USP44: variants seen among roughly 807,000 people sequenced by gnomAD.
USP44 encodes ubiquitin carboxyl-terminal hydrolase 44.
A neutral mutation model predicts 69.0 loss-of-function variants in USP44; 61 were observed. The observed-to-expected ratio is 0.88, with a 90% CI of 0.72 to 1.09. USP44 has a LOEUF of 1.09. USP44 is among the 50% of genes least tolerant of loss of function. USP44 has a pLI of 0.00. For synonymous variants in USP44, 297 were observed against 295.4 expected (o/e 1.01, Z -0.06); for missense variants, 753 against 849.9 (o/e 0.89, Z 1.42).
In USP44 at chr12:95,516,891, TAAA is replaced by T. The variant is rs1169152772; in HGVS notation, c.*1260_*1262del. 1.3e-5 allele frequency: 2 copies of T among 152,058 alleles called. No homozygotes were observed. Among genetic ancestry groups the T allele is most frequent in the Non-Finnish European group, 2.9e-5 (2 of 67,994 alleles). 9.4% of individuals were successfully genotyped at this position (152,058 alleles called of 1,614,324 possible). A position where few individuals can be genotyped will look rare whatever the true frequency, so the allele number is the denominator to read the frequency against. On this transcript the variant is annotated 3_prime_UTR_variant, in exon 6 of 6. Transcript: ENST00000258499. ...TTCAACCTGCAAATAAACCCACTTA[TAAA>T]AAAGGGATACATGATCTTCCTGTGG...
intron 5 of USP44, among the ~76,000 whole-genome samples, chr12:95,519,250 CA>C (rs2076570294): frequency 6.6e-6 from 1 of 151,928 alleles, no homozygotes; most frequent in African/African-American, 2.4e-5. Flanking sequence ...GAAACTGTTT[CA>C]TTATTTAAAG....
intron 1 of USP44, among the ~76,000 whole-genome samples, chr12:95,535,741 T>C (rs1238495211): frequency 3.3e-5 from 5 of 152,210 alleles, no homozygotes; most frequent in African/African-American, 1.2e-4. Context: ...TTCATTGATT[T>C]AATACAAATC....
intron 2 of USP44, among the ~76,000 whole-genome samples, chr12:95,532,112 T>C (rs2077038860): frequency 6.6e-6 from 1 of 152,082 alleles, no homozygotes; most frequent in South Asian, 2.1e-4. Context: ...CCTCCAGGGC[T>C]ACTCCTTGGT....
In USP44 at chr12:95,518,107, A is replaced by T. The variant is rs755733567; in HGVS notation, c.*47T>A. 2.5e-6 allele frequency: 4 copies of T among 1,586,478 alleles called. No individual in the cohort carries two copies. In the African/African-American group the frequency reaches 5.4e-5, roughly 22 times the overall value. Reference sequence around the variant, plus strand: ...TTTAAAATGGTACATCAGTCTTTTAAAAAGTATATATATAAATCACAGGAA... The same window carrying T: ...TTTAAAATGGTACATCAGTCTTTTATAAAGTATATATATAAATCACAGGAA... On this transcript the variant is annotated 3_prime_UTR_variant, in exon 6 of 6. Coordinates refer to ENST00000258499, the MANE Select transcript of USP44 (RefSeq NM_032147.5).
At position 95,529,011 on chromosome 12, in the gene USP44, G is replaced by T. The variant is rs2076939189; in HGVS notation, c.1429-9C>A. ...CATGCAAGACATGTAACCTGCAAAT[G>T]AGAATATGAGTTCCTAAGATTATAA... is the stretch of plus-strand genomic sequence containing the variant. On this transcript the variant is annotated splice_polypyrimidine_tract_variant and intron_variant, in intron 2 of 5. Coordinates refer to ENST00000258499, the MANE Select transcript of USP44 (RefSeq NM_032147.5). 2 of 1,596,522 alleles carry T rather than the reference G, an allele frequency of 1.3e-6. No homozygotes were observed. The highest frequency in any genetic ancestry group is 2.3e-5 in the South Asian group (2 of 87,962).
intron 3 of USP44, among the ~76,000 whole-genome samples, chr12:95,526,010 C>G (rs2076822099): frequency 6.6e-6 from 1 of 152,222 alleles, no homozygotes; most frequent in South Asian, 2.1e-4. Flanking sequence ...GGATTGTCTC[C>G]TAGCACATCG....
chr12:95,517,352 A>AACTC lies in USP44; in HGVS notation c.*798_*801dup, dbSNP rs1426270032. The AACTC allele has an allele frequency of 1.3e-5, 2 of 152,154 alleles. No individual in the cohort carries two copies. The highest frequency in any genetic ancestry group is 4.8e-5 in the African/African-American group (2 of 41,436). 9.4% of individuals were successfully genotyped at this position (152,154 alleles called of 1,614,324 possible). On this transcript the variant is annotated 3_prime_UTR_variant, in exon 6 of 6. Transcript: ENST00000258499. ...TAATGTCATCAGACATTATAAAATG[A>AACTC]ACTCATACCCAAGGTAAACTATTTG...
At position 95,533,112 on chromosome 12, in the gene USP44, CAA is replaced by C; in HGVS notation, c.1143_1144del (p.Cys382SerfsTer2). On this transcript the variant is annotated frameshift_variant, in exon 2 of 6. Coordinates refer to ENST00000258499, the MANE Select transcript of USP44 (RefSeq NM_032147.5). LOFTEE classifies it high-confidence loss of function. ...TTGGAACAAAGTATGCAATTCATGA[CAA>C]AGAGAAATGTACTGTGAAGTTGGCT... 2.5e-6 allele frequency: 4 copies of C among 1,614,218 alleles called. No individual in the cohort carries two copies. Among genetic ancestry groups the C allele is most frequent in the Non-Finnish European group, 2.5e-6 (3 of 1,180,054 alleles).
In USP44 at chr12:95,533,175, G is replaced by A. The variant is rs1220759478; in HGVS notation, c.1082C>T (p.Ser361Leu). ...AATAAGTTCCATCTTTCTACCTTTT[G>A]ATGCTCCACCACTTAGTCCTGATGA... ...SLSSGLSGGA[S>L]KGRKMELIQP... The change falls in exon 2 of 6, where the codon TCA becomes TTA. Residue 361 changes from serine to leucine, a missense_variant. Ser to Leu is a moderately radical substitution (Grantham distance 145, BLOSUM62 -2). Transcript: ENST00000258499. The A allele has an allele frequency of 6.2e-7, 1 of 1,614,130 alleles. No individual in the cohort carries two copies.
chr12:95,532,693 A>G (rs998880039), intron 2 of USP44, 136 bp downstream of exon 2: 6 of 703,818 alleles, frequency 8.5e-6, no homozygotes, highest in South Asian at 2.5e-5. Flanking sequence ...TTCTCTATAC[A>G]TATTTATAAA....
rs2076483328 is a variant in USP44, at chr12:95,516,782, G to A, written c.*1372C>T. ...TGTGAAATTTAAGAAAAATTTATTGGTAGAGACCTCTTTCAAGTTTGTACT... is the reference window on the plus strand; with the variant it reads ...TGTGAAATTTAAGAAAAATTTATTGATAGAGACCTCTTTCAAGTTTGTACT... On this transcript the variant is annotated 3_prime_UTR_variant, in exon 6 of 6. Coordinates refer to ENST00000258499, the MANE Select transcript of USP44 (RefSeq NM_032147.5). 1.3e-5 allele frequency: 2 copies of A among 152,122 alleles called. No homozygotes were observed. The highest frequency in any genetic ancestry group is 4.8e-5 in the African/African-American group (2 of 41,420). The allele number at this position is 152,122 out of a possible 1,614,324, so 9.4% of individuals were successfully genotyped here. A position where few individuals can be genotyped will look rare whatever the true frequency, so the allele number is the denominator to read the frequency against.
chr12:95,523,689 CAAAAA>C (rs927669685), intron 4 of USP44, among the ~76,000 whole-genome samples: 3 of 89,200 alleles, frequency 3.4e-5, no homozygotes, highest in South Asian at 3.9e-4. Flanking sequence ...CTGTCTCTAC[CAAAAA>C]AAAAAAAAAA....
intron 1 of USP44, among the ~76,000 whole-genome samples, chr12:95,536,957 CT>C (rs2077225865): frequency 6.6e-6 from 1 of 152,142 alleles, no homozygotes; most frequent in South Asian, 2.1e-4. Flanking sequence ...CCCAAGCTTG[CT>C]TCTAGGGCCT....
At chr12:95,538,877 T>C (rs773712516) in intron 1 of USP44, among the ~76,000 whole-genome samples, 10 of 152,260 alleles carry the variant, frequency 6.6e-5, no homozygotes, top group Non-Finnish European at 1.3e-4. Context: ...TCTACTGGGT[T>C]CAGAGCACCT....
In USP44 at chr12:95,533,444, A is replaced by G; in HGVS notation, c.813T>C (p.Gly271=). The G allele has an allele frequency of 6.2e-7, 1 of 1,614,190 alleles. No homozygotes were observed. Among genetic ancestry groups the G allele is most frequent in the Non-Finnish European group, 8.5e-7 (1 of 1,180,008 alleles). The change falls in exon 2 of 6, where the codon GGT becomes GGC. Residue 271 remains glycine (G), a synonymous_variant. Transcript: ENST00000258499. ...TTCCCAAATTTCTCAATCCTGTTAC[A>G]CCAGGAGTTACTATTGGCCTTCGTT... is the stretch of plus-strand genomic sequence containing the variant. The part of the protein sequence containing the change: ...SVKRRPIVTP[G]VTGLRNLGNT...
chr12:95,536,849 G>A (rs2077221649), intron 1 of USP44, among the ~76,000 whole-genome samples: 1 of 152,156 alleles, frequency 6.6e-6, no homozygotes, highest in Non-Finnish European at 1.5e-5. Flanking sequence ...GCAAGGCCAA[G>A]GGCATGTGGC....
At chr12:95,531,033 A>G (rs1427974057) in intron 2 of USP44, among the ~76,000 whole-genome samples, 6 of 152,022 alleles carry the variant, frequency 3.9e-5, no homozygotes, top group African/African-American at 1.2e-4. Flanking sequence ...GTGTGGTGGC[A>G]GGCGCCTGTA....
chr12:95,529,318 A>ATATACATATATCTATG (rs1424884545), intron 2 of USP44, among the ~76,000 whole-genome samples: 1 of 152,170 alleles, frequency 6.6e-6, no homozygotes, highest in African/African-American at 2.4e-5. Flanking sequence ...ATATATACAT[A>ATATACATATATCTATG]TATACATATA....
In USP44 at chr12:95,528,902, A is replaced by G. The variant is rs770848466; in HGVS notation, c.1529T>C (p.Ile510Thr). ...PERYQCSGKD[I>T]ASQPCLVTEM... is the part of the protein sequence containing the mutation. ...AGTAACCAGACATGGCTGGGAAGCAATATCTTTTCCACTGCATTGATACCT... is the reference window on the plus strand; with the variant it reads ...AGTAACCAGACATGGCTGGGAAGCAGTATCTTTTCCACTGCATTGATACCT... Residue 510 changes from isoleucine to threonine, a missense_variant, in exon 3 of 6, where the codon ATT becomes ACT. By Grantham distance (89) the Ile-to-Thr change is moderately conservative (BLOSUM62 -1). Transcript: ENST00000258499. The G allele has an allele frequency of 2.5e-6, 4 of 1,614,100 alleles. No individual in the cohort carries two copies. Among genetic ancestry groups the G allele is most frequent in the Non-Finnish European group, 2.5e-6 (3 of 1,180,000 alleles).
Sources: gnomAD v4.1 joint callset for allele counts (sites outside exome capture counted in the v4.1 genomes callset) on GRCh38, gnomAD v4.1.1 for gene constraint, MANE v1.5 for transcripts, NCBI Gene and HGNC (gene_info 2026-07-23, HGNC 2026-07-21) for gene names.